SORBS2: variants seen among roughly 807,000 people sequenced by gnomAD.
The protein encoded by SORBS2 is sorbin and SH3 domain-containing protein 2.
A neutral mutation model predicts 97.7 loss-of-function variants in SORBS2; 46 were observed. The observed-to-expected ratio is 0.47, with a 90% CI of 0.37 to 0.60. The LOEUF (loss-of-function observed/expected upper bound fraction) is 0.60. Ranked by LOEUF, SORBS2 falls within the 20% of genes least tolerant of loss-of-function variation. The probability of loss-of-function intolerance (pLI) is 0.00; values close to 1 mark genes in which losing one functional copy is unlikely to be tolerated. For missense variants in SORBS2, 1,316 were observed against 1,282.3 expected, an observed-to-expected ratio of 1.03 and a Z score of -0.40; for synonymous variants, 476 against 473.4, an observed-to-expected ratio of 1.01 and a Z score of -0.07.
At chr4:185,614,159 GTTTTTT>G (rs34929054) in intron 11 of SORBS2, among the ~76,000 whole-genome samples, 8 of 91,608 alleles carry the variant, frequency 8.7e-5, no homozygotes, top group South Asian at 4.4e-4. Flanking sequence ...GTTTTTTTGT[GTTTTTT>G]TTTTTTTTTT....
intron 8 of SORBS2, among the ~76,000 whole-genome samples, chr4:185,619,110 G>A (rs934882075): frequency 6.6e-6 from 1 of 152,146 alleles, no homozygotes; most frequent in African/African-American, 2.4e-5. Flanking sequence ...AATTATCACT[G>A]GGAGGCTGGT....
At chr4:185,608,674 T>C (rs2096479598) in intron 12 of SORBS2, among the ~76,000 whole-genome samples, 1 of 152,214 alleles carries the variant, frequency 6.6e-6, no homozygotes, top group Non-Finnish European at 1.5e-5. Context: ...GTTCCAGAAG[T>C]GCCACTTACT....
Position 185,815,846 on chromosome 4 carries a change from A to G in SORBS2, c.-337-40480T>C, listed in dbSNP as rs1277417049. On this transcript the variant is annotated intron_variant, in intron 1 of 20. Transcript: ENST00000284776. Reference sequence around the variant, plus strand: ...GAGAATATTTTCAGTTTATTTTACTATTCTTTGCACTTTTCTATAAGTTTG... The same window carrying G: ...GAGAATATTTTCAGTTTATTTTACTGTTCTTTGCACTTTTCTATAAGTTTG... 3.9e-5 allele frequency among the ~76,000 whole-genome samples: 6 copies of G among 152,324 alleles called. No homozygotes were observed. In the East Asian group the frequency reaches 1.2e-3, roughly 29 times the overall value.
intron 2 of SORBS2, among the ~76,000 whole-genome samples, chr4:185,741,535 A>AT (rs760240392): frequency 2.0e-5 from 3 of 150,458 alleles, no homozygotes; most frequent in Non-Finnish European, 4.4e-5. Context: ...ACCGGAGCTA[A>AT]TTTTTGTATT....
intron 12 of SORBS2, among the ~76,000 whole-genome samples, chr4:185,605,230 A>T (rs1249296762): frequency 6.6e-6 from 1 of 152,220 alleles, no homozygotes; most frequent in Non-Finnish European, 1.5e-5. Flanking sequence ...AATTTCTATA[A>T]TTGCCAGTAA....
At chr4:185,674,038 T>C (rs767445046) in intron 4 of SORBS2, among the ~76,000 whole-genome samples, 1 of 152,168 alleles carries the variant, frequency 6.6e-6, no homozygotes, top group South Asian at 2.1e-4. Flanking sequence ...CTTTTCTCTG[T>C]CCTTCCCCTG....
intron 1 of SORBS2, among the ~76,000 whole-genome samples, chr4:185,864,450 G>T (rs2099225664): frequency 6.6e-6 from 1 of 152,134 alleles, no homozygotes; most frequent in Admixed American, 6.5e-5. Flanking sequence ...AAAAAACTAG[G>T]ATAGAAACAT....
intron 1 of SORBS2, among the ~76,000 whole-genome samples, chr4:185,790,246 GGTTAT>G (rs1458252225): frequency 8.5e-5 from 13 of 152,222 alleles, no homozygotes; most frequent in African/African-American, 3.1e-4. Flanking sequence ...CTGCTTCAGT[GGTTAT>G]GTTAACTTTG....
chr4:185,797,492 C>T (rs1049288740), intron 1 of SORBS2, among the ~76,000 whole-genome samples: 1 of 152,154 alleles, frequency 6.6e-6, no homozygotes, highest in African/African-American at 2.4e-5. Flanking sequence ...TTAACCCAAA[C>T]TACTTAACAT....
At chr4:185,712,459 A>G (rs2098429337) in intron 2 of SORBS2, among the ~76,000 whole-genome samples, 1 of 152,206 alleles carries the variant, frequency 6.6e-6, no homozygotes, top group African/African-American at 2.4e-5. Flanking sequence ...TTTTTCCTGG[A>G]TGCCAGGCAA....
rs999371298 is a variant in SORBS2 at position 185,656,152 on chromosome 4, T to C, written c.24+463A>G. 2.6e-5 allele frequency among the ~76,000 whole-genome samples: 4 copies of C among 152,242 alleles called. No individual in the cohort carries two copies. The East Asian group carries it at 7.7e-4, about 29-fold the overall frequency. ...AATATTGGTCATAATCCCTGAACTT[T>C]TCTTTGGCACATAAATATGGCAATC... On this transcript the variant is annotated intron_variant, in intron 1 of 14. Transcript: ENST00000418609.
chr4:185,865,574 G>A (rs2099226424), intron 1 of SORBS2, among the ~76,000 whole-genome samples: 1 of 144,662 alleles, frequency 6.9e-6, no homozygotes, highest in African/African-American at 2.4e-5. Flanking sequence ...GTTCTGGAAT[G>A]GGAACACGGA....
intron 1 of SORBS2, among the ~76,000 whole-genome samples, chr4:185,825,212 G>GTT (rs146561971): frequency 0.02 from 2,887 of 147,466 alleles, 76 homozygotes; most frequent in African/African-American, 0.065. Flanking sequence ...TCTGTTTTTT[G>GTT]TTTTTTTTTT....
rs543223410 is a variant in SORBS2, at chr4:185,851,948, T to C, written c.-337-76582A>G. ...CCATATATGTATCCTATTAGTTCTGTCCCTCTACAGAACCCTGACTAATAT... is the reference window on the plus strand; with the variant it reads ...CCATATATGTATCCTATTAGTTCTGCCCCTCTACAGAACCCTGACTAATAT... On this transcript the variant is annotated intron_variant, in intron 1 of 20. Coordinates refer to the SORBS2 transcript ENST00000284776. Among the ~76,000 whole-genome samples, 4 of 152,250 alleles carry C rather than the reference T, an allele frequency of 2.6e-5. No homozygotes were observed. In the South Asian group the frequency reaches 8.3e-4, roughly 32 times the overall value.
chr4:185,733,404 C>T (rs73015588), intron 2 of SORBS2, among the ~76,000 whole-genome samples: 2,637 of 152,226 alleles, frequency 0.017, 72 homozygotes, highest in African/African-American at 0.059. Context: ...AGCGGGGGTC[C>T]GCCCACTGGC....
At chr4:185,758,098 A>C (rs941889530) in intron 2 of SORBS2, among the ~76,000 whole-genome samples, 1 of 152,230 alleles carries the variant, frequency 6.6e-6, no homozygotes, top group African/African-American at 2.4e-5. Context: ...AACTAGTGAC[A>C]CAGTTAATGA....
chr4:185,861,594 C>T (rs1222814386), intron 1 of SORBS2, among the ~76,000 whole-genome samples: 1 of 123,936 alleles, frequency 8.1e-6, no homozygotes, highest in African/African-American at 3.3e-5. Context: ...AAAGATCTGA[C>T]TTCTATTTTT....
intron 1 of SORBS2, among the ~76,000 whole-genome samples, chr4:185,884,722 A>G (rs1296078485): frequency 2.0e-5 from 3 of 152,202 alleles, no homozygotes; most frequent in Non-Finnish European, 4.4e-5. Flanking sequence ...AACTGCCTTT[A>G]GTTCTTGACT....
At chr4:185,635,747 A>T (rs1012737836) in intron 4 of SORBS2, among the ~76,000 whole-genome samples, 1 of 152,250 alleles carries the variant, frequency 6.6e-6, no homozygotes, top group Non-Finnish European at 1.5e-5. Flanking sequence ...GCAAGTGGAT[A>T]GCATGCTGGT....
Sources: gnomAD v4.1 joint callset for allele counts (sites outside exome capture counted in the v4.1 genomes callset) on GRCh38, gnomAD v4.1.1 for gene constraint, MANE v1.5 for transcripts, NCBI Gene and HGNC (gene_info 2026-07-23, HGNC 2026-07-21) for gene names.